The following SPATA7 variants were observed in gnomAD, a reference collection of about 807,000 sequenced individuals.
The protein encoded by SPATA7 is spermatogenesis-associated protein 7.
Under a neutral mutation model 51.8 loss-of-function variants are expected in SPATA7, and 43 were observed. The observed-to-expected ratio is 0.83, with a 90% confidence interval of 0.65 to 1.07. The LOEUF (loss-of-function observed/expected upper bound fraction) is 1.07, where lower values mean the gene tolerates loss of function less well. Ranked by LOEUF, SPATA7 falls within the 50% of genes least tolerant of loss-of-function variation. The pLI is 0.00. For synonymous variants in SPATA7, 230 were observed against 252.8 expected (o/e 0.91, Z 0.86); for missense variants, 683 against 701.3 (o/e 0.97, Z 0.30).
intron 4 of SPATA7, among the ~76,000 whole-genome samples, chr14:88,397,643 G>GA (rs762638350): frequency 0.014 from 955 of 70,640 alleles, 8 homozygotes; most frequent in East Asian, 0.044. Context: ...GCTGTCTCAA[G>GA]AAAAAAAAAA....
intron 4 of SPATA7, among the ~76,000 whole-genome samples, chr14:88,414,479 G>C (rs1422324888): frequency 6.6e-6 from 1 of 151,896 alleles, no homozygotes; most frequent in African/African-American, 2.4e-5. Context: ...ACAGTCTGTT[G>C]ATCTGTTTAT....
chr14:88,441,563 G>A (rs184648223), downstream of SPATA7, among the ~76,000 whole-genome samples: 4 of 152,062 alleles, frequency 2.6e-5, no homozygotes, highest in East Asian at 1.9e-4. Flanking sequence ...AGGTGGTATC[G>A]CGTTGTGGTT....
At chr14:88,464,745 AG>A (rs1251880693) in intron 4 of SPATA7, among the ~76,000 whole-genome samples, 14 of 148,256 alleles carry the variant, frequency 9.4e-5, no homozygotes, top group African/African-American at 3.7e-4. Flanking sequence ...AGAAAAAAAA[AG>A]TCTTATTTAC....
At chr14:88,467,991 C>G in intron 4 of SPATA7, 2 of 1,021,494 alleles carry the variant, frequency 2.0e-6, no homozygotes, top group Non-Finnish European at 3.0e-6. Context: ...TTTCCTTCAG[C>G]GTGCCGCCAT....
chr14:88,447,223 C>T (rs1326964248), intron 3 of SPATA7, among the ~76,000 whole-genome samples: 1 of 150,234 alleles, frequency 6.7e-6, no homozygotes, highest in Non-Finnish European at 1.5e-5. Flanking sequence ...GAATTGATCC[C>T]TTTACCATTA....
At chr14:88,455,018 T>C (rs962443915) in intron 3 of SPATA7, 7 of 454,098 alleles carry the variant, frequency 1.5e-5, no homozygotes, top group Non-Finnish European at 2.7e-5. Flanking sequence ...ACTCAAAATA[T>C]TTAGATCTGG....
chr14:88,437,402 G>T, intron 10 of SPATA7, 141 bp from the exon 11 acceptor site: 1 of 632,802 alleles, frequency 1.6e-6, no homozygotes, highest in Non-Finnish European at 2.8e-6. Context: ...AACAGGAAAG[G>T]ATTAGTCTTC....
intron 4 of SPATA7, among the ~76,000 whole-genome samples, chr14:88,410,452 A>T (rs2076310183): frequency 6.6e-6 from 1 of 151,652 alleles, no homozygotes; most frequent in East Asian, 1.9e-4. Context: ...AGGAGTTGTG[A>T]TCCTTTGGAG....
downstream of SPATA7, among the ~76,000 whole-genome samples, chr14:88,458,409 A>G: frequency 6.6e-6 from 1 of 152,086 alleles, no homozygotes; most frequent in East Asian, 1.9e-4. Flanking sequence ...AGATCCTGTT[A>G]TTGGTCTATT....
chr14:88,446,444 T>C (rs966101019), intron 3 of SPATA7, among the ~76,000 whole-genome samples: 8 of 152,318 alleles, frequency 5.3e-5, no homozygotes, highest in African/African-American at 1.9e-4. Flanking sequence ...GCTCCTGGAT[T>C]AATTAATTTT....
chr14:88,426,108 T>G (rs2076783378), intron 5 of SPATA7, 124 bp from the exon 6 acceptor site: 1 of 717,436 alleles, frequency 1.4e-6, no homozygotes, highest in Admixed American at 2.2e-5. Flanking sequence ...ATTAACATCT[T>G]CAGGAACATA....
intron 5 of SPATA7, among the ~76,000 whole-genome samples, chr14:88,417,793 C>T (rs1422832599): frequency 6.6e-6 from 1 of 152,044 alleles, no homozygotes; most frequent in Non-Finnish European, 1.5e-5. Context: ...CTGTCATTTT[C>T]TTTTTTTGTA....
At chr14:88,438,467 T>C, downstream of SPATA7, 1 of 1,369,374 alleles carries the variant, frequency 7.3e-7, no homozygotes, top group Non-Finnish European at 1.0e-6. Context: ...TCAATATTAC[T>C]TTTCTTCCTT....
At chr14:88,453,803 C>T (rs894364134) in intron 3 of SPATA7, among the ~76,000 whole-genome samples, 1 of 152,140 alleles carries the variant, frequency 6.6e-6, no homozygotes, top group Non-Finnish European at 1.5e-5. Context: ...GTTACTTTCC[C>T]CAGTAGCCAG....
At chr14:88,444,751 C>G in intron 3 of SPATA7, among the ~76,000 whole-genome samples, 1 of 152,184 alleles carries the variant, frequency 6.6e-6, no homozygotes. Context: ...AATCCTTTCC[C>G]CATTGCTTGT....
intron 4 of SPATA7, among the ~76,000 whole-genome samples, chr14:88,404,980 T>C (rs2076165939): frequency 6.6e-6 from 1 of 152,132 alleles, no homozygotes; most frequent in South Asian, 2.1e-4. Context: ...ATAAAGAATA[T>C]GTCATATGGT....
At chr14:88,388,485 C>T (rs1258040333) in intron 1 of SPATA7, among the ~76,000 whole-genome samples, 1 of 152,178 alleles carries the variant, frequency 6.6e-6, no homozygotes, top group Non-Finnish European at 1.5e-5. Context: ...GCTACTTCTC[C>T]ATGCCCCTTT....
intron 4 of SPATA7, among the ~76,000 whole-genome samples, chr14:88,463,128 G>C (rs897437411): frequency 6.6e-6 from 1 of 152,090 alleles, no homozygotes; most frequent in Non-Finnish European, 1.5e-5. Flanking sequence ...TGGAACTGCT[G>C]CTCCTTCAGC....
At chr14:88,419,445 T>C (rs2076575811) in intron 5 of SPATA7, among the ~76,000 whole-genome samples, 1 of 143,864 alleles carries the variant, frequency 7.0e-6, no homozygotes. Context: ...TGTTTTCTTC[T>C]TTTTTTTTTT....
Sources: allele counts gnomAD v4.1 joint callset (sites outside exome capture counted in the v4.1 genomes callset), GRCh38; gene constraint gnomAD v4.1.1; transcripts MANE v1.5; gene names NCBI Gene and HGNC (gene_info 2026-07-23, HGNC 2026-07-21).